ADCY10: variants seen among roughly 807,000 people sequenced by gnomAD.
The protein encoded by ADCY10 is adenylate cyclase 10.
A neutral mutation model predicts 183.3 loss-of-function variants in ADCY10; 156 were observed. The ratio of observed to expected loss-of-function variants is 0.85; its 90% confidence interval spans 0.75 to 0.97. ADCY10 has a LOEUF of 0.97. Among genes scored for constraint, ADCY10 ranks in the 50% least tolerant of loss-of-function variants. ADCY10 has a pLI of 0.00. For synonymous variants in ADCY10, 645 were observed against 670.0 expected, an observed-to-expected ratio of 0.96 and a Z score of 0.58; for missense variants, 1,745 against 1,934.3, an observed-to-expected ratio of 0.90 and a Z score of 1.84.
At chr1:167,842,375 C>A (rs1223721446) in intron 21 of ADCY10, among the ~76,000 whole-genome samples, 4 of 151,942 alleles carry the variant, frequency 2.6e-5, no homozygotes, top group Non-Finnish European at 5.9e-5. Context: ...TTGAACCAGC[C>A]CTGGCTTGAA....
At position 167,853,024 on chromosome 1, in the gene ADCY10, C is replaced by T; in HGVS notation, c.2308+1329G>A. 1.3e-5 allele frequency among the ~76,000 whole-genome samples: 2 copies of T among 152,150 alleles called. 1 individual carries two copies. The highest frequency in any genetic ancestry group is 4.8e-5 in the African/African-American group (2 of 41,426). ...TTTTATGAAATTTCCCTCATTGTCA[C>T]CTTTAGGTGGTGATTTTCTATCCTG... On this transcript the variant is annotated intron_variant, in intron 18 of 32. Coordinates refer to ENST00000367851, the MANE Select transcript of ADCY10 (RefSeq NM_018417.6).
At chr1:167,867,731 C>T (rs933657365) in intron 14 of ADCY10, among the ~76,000 whole-genome samples, 2 of 151,624 alleles carry the variant, frequency 1.3e-5, no homozygotes, top group Non-Finnish European at 2.9e-5. Context: ...ATGCTTGTGC[C>T]ACTATCAATA....
rs1666161144 is a variant in ADCY10 at position 167,859,789 on chromosome 1, A to T, written c.1896+18T>A. On this transcript the variant is annotated intron_variant, in intron 16 of 32. Coordinates refer to ENST00000367851, the MANE Select transcript of ADCY10 (RefSeq NM_018417.6). ...CCAGTTTTCTTCCCCCTACTTCTTG[A>T]CCCACAGATGCTCTTACCAGCTTCA... is the stretch of plus-strand genomic sequence containing the variant. The T allele has an allele frequency of 6.2e-7, 1 of 1,600,064 alleles. No individual in the cohort carries two copies. Among genetic ancestry groups the T allele is most frequent in the South Asian group, 1.1e-5 (1 of 90,786 alleles).
intron 26 of ADCY10, among the ~76,000 whole-genome samples, chr1:167,826,352 G>A (rs1380037861): frequency 2.0e-5 from 3 of 152,232 alleles, no homozygotes; most frequent in Non-Finnish European, 4.4e-5. Context: ...AAAGCTCCTT[G>A]TTTATGCGGC....
rs1662951098 is a variant in ADCY10, at chr1:167,822,139, A to C, written c.4171T>G (p.Phe1391Val). ...VCLDILLYSG[F>V]VYRTFEECLE... ...CATTCTTCAAATGTTCTATAAACAA[A>C]ACCTAAGAGAGAGAGGAATGGGTGA... Residue 1391 changes from phenylalanine (F) to valine (V), a missense_variant and splice_region_variant, in exon 30 of 33, where the codon TTT (phenylalanine) becomes GTT (valine). Physicochemically the swap from Phe to Val is conservative, Grantham distance 50. Coordinates refer to ENST00000367851, the MANE Select transcript of ADCY10 (RefSeq NM_018417.6). 5 of 1,550,356 alleles carry C rather than the reference A, an allele frequency of 3.2e-6. No homozygotes were observed. The highest frequency in any genetic ancestry group is 4.5e-6 in the Non-Finnish European group (5 of 1,121,884).
At chr1:167,905,317 A>C (rs545505976) in intron 1 of ADCY10, 119 bp from the exon 2 acceptor site, 8 of 784,772 alleles carry the variant, frequency 1.0e-5, no homozygotes, top group Middle Eastern at 3.6e-4. Context: ...AAAATGCCAG[A>C]GTTGTTGAGC....
At position 167,878,651 on chromosome 1, in the gene ADCY10, G is replaced by A; in HGVS notation, c.1217-16C>T. 1 of 1,611,136 alleles carries A rather than the reference G, an allele frequency of 6.2e-7. No individual in the cohort carries two copies. ...TGACCAATGACTATAGCAAGAAAGA[G>A]AAAGTCAAAGATCAGGGAAATAACA... On this transcript the variant is annotated splice_polypyrimidine_tract_variant and intron_variant, in intron 11 of 32. Transcript: ENST00000367851.
intron 15 of ADCY10, 51 bp from the exon 16 acceptor site, chr1:167,859,944 C>T: frequency 1.5e-6 from 2 of 1,368,096 alleles, no homozygotes; most frequent in African/African-American, 1.4e-5. Flanking sequence ...GCAAAGGGAA[C>T]TACTGGCTAT....
In ADCY10 at chr1:167,878,282, T is replaced by C. The variant is rs203837; in HGVS notation, c.1406+164A>G. Among the ~76,000 whole-genome samples, 25,040 of 152,106 alleles carry C rather than the reference T, an allele frequency of 0.16. 3,476 individuals carry two copies. Among genetic ancestry groups the C allele is most frequent in the African/African-American group, 0.39 (16,004 of 41,444 alleles). Reference sequence around the variant, plus strand: ...CCACCATGCCATAGTGTCAGTCAGATGGAGGAAAGATTAAGGATTTTGAAG... The same window carrying C: ...CCACCATGCCATAGTGTCAGTCAGACGGAGGAAAGATTAAGGATTTTGAAG... On this transcript the variant is annotated intron_variant, in intron 12 of 32. Coordinates refer to ENST00000367851, the MANE Select transcript of ADCY10 (RefSeq NM_018417.6).
chr1:167,879,253 T>C (rs905920758), intron 11 of ADCY10, among the ~76,000 whole-genome samples: 1 of 152,194 alleles, frequency 6.6e-6, no homozygotes, highest in Non-Finnish European at 1.5e-5. Context: ...ATAGGGATGA[T>C]AATAGTAACT....
chr1:167,813,870 A>G (rs1662362849), intron 31 of ADCY10, among the ~76,000 whole-genome samples: 1 of 152,150 alleles, frequency 6.6e-6, no homozygotes, highest in Non-Finnish European at 1.5e-5. Flanking sequence ...AACAACTGAA[A>G]GGGGTGGGAA....
chr1:167,854,451 C>T lies in ADCY10; in HGVS notation c.2210G>A (p.Cys737Tyr). 1 of 1,614,176 alleles carries T rather than the reference C, an allele frequency of 6.2e-7. No homozygotes were observed. The highest frequency in any genetic ancestry group is 8.5e-7 in the Non-Finnish European group (1 of 1,180,026). The stretch of plus-strand genomic sequence containing the variant: ...TTCCAGGTTTTTAAGCAATTCTTCA[C>T]AGTAAAATGGAATCCCACAGCTTCC... ...GEGSCGIPFYCEELLKNLEHH... is the reference protein window; with the variant it reads ...GEGSCGIPFYYEELLKNLEHH... Residue 737 changes from cysteine to tyrosine, a missense_variant, in exon 18 of 33, where the codon TGT becomes TAT. Physicochemically the swap from Cys to Tyr is radical, Grantham distance 194 (BLOSUM62 -2). Coordinates refer to ENST00000367851, the MANE Select transcript of ADCY10 (RefSeq NM_018417.6).
intron 31 of ADCY10, among the ~76,000 whole-genome samples, chr1:167,815,166 A>T (rs1482433264): frequency 6.6e-6 from 1 of 151,908 alleles, no homozygotes; most frequent in Non-Finnish European, 1.5e-5. Flanking sequence ...AAAAACCCCA[A>T]ACACCTTCAG....
chr1:167,906,473 G>C (rs1473106634), intron 1 of ADCY10, among the ~76,000 whole-genome samples: 1 of 152,002 alleles, frequency 6.6e-6, no homozygotes, highest in African/African-American at 2.4e-5. Flanking sequence ...TAGTAAATTT[G>C]GTGCTATATG....
rs546234199 is a variant in ADCY10 at position 167,855,423 on chromosome 1, T to G, written c.2171+742A>C. Among the ~76,000 whole-genome samples the G allele has an allele frequency of 3.5e-4, 54 of 152,258 alleles. No individual in the cohort carries two copies. In the South Asian group the frequency reaches 0.011, roughly 30 times the overall value. ...GAGAGCACTCACCAGTGAGTCAGCTTTCCACATCTGCCATAGACAGAGAAC... is the reference window on the plus strand; with the variant it reads ...GAGAGCACTCACCAGTGAGTCAGCTGTCCACATCTGCCATAGACAGAGAAC... On this transcript the variant is annotated intron_variant, in intron 17 of 32. Coordinates refer to ENST00000367851, the MANE Select transcript of ADCY10 (RefSeq NM_018417.6).
At chr1:167,874,980 G>A in intron 13 of ADCY10, 151 bp downstream of exon 13, 1 of 741,978 alleles carries the variant, frequency 1.3e-6, no homozygotes, top group East Asian at 2.7e-5. Context: ...TAATCCTGGT[G>A]TATTGCTATT....
At chr1:167,911,283 T>G (rs1331868086) in intron 1 of ADCY10, among the ~76,000 whole-genome samples, 1 of 152,356 alleles carries the variant, frequency 6.6e-6, no homozygotes, top group Non-Finnish European at 1.5e-5. Context: ...GTAACTTATC[T>G]TAAAAGCAAA....
At chr1:167,856,076 T>A (rs2102021599) in intron 17 of ADCY10, 89 bp downstream of exon 17, 1 of 1,459,850 alleles carries the variant, frequency 6.9e-7, no homozygotes, top group Non-Finnish European at 9.6e-7. Flanking sequence ...AATAGGCACA[T>A]CAAGACACAT....
At chr1:167,862,404 G>T (rs1209713668) in intron 14 of ADCY10, among the ~76,000 whole-genome samples, 2 of 152,162 alleles carry the variant, frequency 1.3e-5, no homozygotes, top group African/African-American at 4.8e-5. Context: ...TGAAGGCAGA[G>T]ATTAGGGTGA....
Sources: allele counts gnomAD v4.1 joint callset (sites outside exome capture counted in the v4.1 genomes callset), GRCh38; gene constraint gnomAD v4.1.1; transcripts MANE v1.5; gene names NCBI Gene and HGNC (gene_info 2026-07-23, HGNC 2026-07-21).